The following CACNA2D2 variants were observed in gnomAD, a reference collection of about 807,000 sequenced individuals.
The protein encoded by CACNA2D2 is calcium voltage-gated channel auxiliary subunit alpha2delta 2, also known as voltage-dependent calcium channel subunit alpha-2/delta-2.
CACNA2D2 carries 48 observed loss-of-function variants against 166.4 expected under a neutral mutation model. The ratio of observed to expected loss-of-function variants is 0.29; its 90% CI spans 0.23 to 0.37. The LOEUF is 0.37. Among genes scored for constraint, CACNA2D2 ranks in the 10% least tolerant of loss-of-function variants. CACNA2D2 has a pLI of 1.00. For synonymous variants in CACNA2D2, 561 were observed against 573.7 expected, an observed-to-expected ratio of 0.98 and a Z score of 0.32; for missense variants, 1,122 against 1,433.0, an observed-to-expected ratio of 0.78 and a Z score of 3.50.
chr3:50,434,015 G>A (rs1242094618), intron 3 of CACNA2D2, among the ~76,000 whole-genome samples: 4 of 152,214 alleles, frequency 2.6e-5, no homozygotes, highest in Non-Finnish European at 4.4e-5. Flanking sequence ...CCAGAGGGAT[G>A]GGAAAACCCC....
chr3:50,412,605 T>C (rs1321938912), intron 3 of CACNA2D2, among the ~76,000 whole-genome samples: 1 of 151,842 alleles, frequency 6.6e-6, no homozygotes, highest in Non-Finnish European at 1.5e-5. Flanking sequence ...TTTTCTTTTT[T>C]TTGCAGGGGG....
At chr3:50,483,596 A>G (rs1210589080) in intron 1 of CACNA2D2, among the ~76,000 whole-genome samples, 1 of 152,174 alleles carries the variant, frequency 6.6e-6, no homozygotes, top group Non-Finnish European at 1.5e-5. Flanking sequence ...ATTTACTCAT[A>G]GCAGCCTGCT....
intron 2 of CACNA2D2, among the ~76,000 whole-genome samples, chr3:50,452,689 G>A (rs1171488229): frequency 6.6e-6 from 1 of 152,208 alleles, no homozygotes; most frequent in East Asian, 1.9e-4. Context: ...ATGTGAACAT[G>A]AGAAGCCCCC....
At position 50,379,767 on chromosome 3, in the gene CACNA2D2, C is replaced by T. The variant is rs1260461069; in HGVS notation, c.951G>A (p.Met317Ile). Residue 317 changes from methionine to isoleucine, a missense_variant, in exon 10 of 38, where the codon ATG becomes ATA. This residue lies in a region of CACNA2D2 where 840 missense variants were observed against 1,166.8 expected (regional missense o/e 0.72). Transcript: ENST00000424201. This position sits in a 1 kb window ranked among gnomAD's most constrained non-coding sequence, Gnocchi z 6.5. Reference protein sequence around the residue: ...LKLMKTSVCEMLDTLSDDDYV... With the variant: ...LKLMKTSVCEILDTLSDDDYV... ...AGTCATCATCAGACAGCGTGTCCAG[C>T]ATCTCGCAGACAGATGTCTTCATCA... 2 of 1,613,968 alleles carry T rather than the reference C, an allele frequency of 1.2e-6. No individual in the cohort carries two copies. The highest frequency in any genetic ancestry group is 4.5e-5 in the East Asian group (2 of 44,878).
intron 4 of CACNA2D2, among the ~76,000 whole-genome samples, chr3:50,390,818 C>T (rs1705851166): frequency 6.6e-6 from 1 of 152,160 alleles, no homozygotes. Context: ...GAAATGAGCA[C>T]GGGGTGAGCG....
At chr3:50,400,882 C>T (rs1457270114) in intron 3 of CACNA2D2, among the ~76,000 whole-genome samples, 1 of 152,186 alleles carries the variant, frequency 6.6e-6, no homozygotes, top group African/African-American at 2.4e-5. Flanking sequence ...TCTATGTTGC[C>T]CAGGCTGGTC....
At chr3:50,456,906 A>T (rs1270652698) in intron 2 of CACNA2D2, among the ~76,000 whole-genome samples, 2 of 152,146 alleles carry the variant, frequency 1.3e-5, no homozygotes, top group African/African-American at 4.8e-5. Context: ...TCCCCCAAGG[A>T]CAGTACTGTC....
intron 1 of CACNA2D2, among the ~76,000 whole-genome samples, chr3:50,478,571 T>C (rs1432280846): frequency 6.6e-6 from 1 of 152,232 alleles, no homozygotes; most frequent in Non-Finnish European, 1.5e-5. Context: ...AGTGCCAGCA[T>C]GTCACCTACT....
At chr3:50,487,519 T>C (rs1457773956) in intron 1 of CACNA2D2, among the ~76,000 whole-genome samples, 2 of 152,162 alleles carry the variant, frequency 1.3e-5, no homozygotes, top group African/African-American at 4.8e-5. Context: ...TGTATGTAAA[T>C]GGAATGTGAG....
rs1704984023 is a variant in CACNA2D2 at position 50,376,240 on chromosome 3, C to T, written c.1627-52G>A. 3 of 1,588,998 alleles carry T rather than the reference C, an allele frequency of 1.9e-6. No homozygotes were observed. In the Admixed American group the frequency reaches 5.1e-5, roughly 27 times the overall value. On this transcript the variant is annotated intron_variant, in intron 17 of 37. Coordinates refer to ENST00000424201, the MANE Select transcript of CACNA2D2 (RefSeq NM_006030.4). This position sits in a 1 kb window ranked among gnomAD's most constrained non-coding sequence, Gnocchi z 4.3. ...GTCTGGAGGGATGGGCTGGGGTTCCCTGGGCTCCGGAGTTCTTCCCTATTT... is the reference window on the plus strand; with the variant it reads ...GTCTGGAGGGATGGGCTGGGGTTCCTTGGGCTCCGGAGTTCTTCCCTATTT...
chr3:50,434,794 G>C (rs149003269), intron 2 of CACNA2D2, among the ~76,000 whole-genome samples: 2 of 152,340 alleles, frequency 1.3e-5, no homozygotes, highest in East Asian at 3.9e-4. Context: ...GAGTGGGCTG[G>C]AGAGGAGGCA....
chr3:50,373,112 C>T (rs1261141110), intron 22 of CACNA2D2: 17 of 1,530,938 alleles, frequency 1.1e-5, no homozygotes, highest in South Asian at 9.6e-5. Flanking sequence ...AGAGAGAAAG[C>T]GAGGAAAACA....
At chr3:50,421,103 G>A (rs1451093921) in intron 3 of CACNA2D2, among the ~76,000 whole-genome samples, 3 of 152,208 alleles carry the variant, frequency 2.0e-5, no homozygotes, top group Non-Finnish European at 2.9e-5. Flanking sequence ...TGTGTTGAGG[G>A]GCCCTGTGTG....
At chr3:50,495,856 A>G (rs1234354147) in intron 1 of CACNA2D2, among the ~76,000 whole-genome samples, 2 of 152,206 alleles carry the variant, frequency 1.3e-5, no homozygotes, top group Non-Finnish European at 2.9e-5. Context: ...GTTTGCAAAG[A>G]TGCTTCACTT....
intron 3 of CACNA2D2, among the ~76,000 whole-genome samples, chr3:50,409,832 A>G (rs1027855841): frequency 2.0e-5 from 3 of 152,200 alleles, no homozygotes; most frequent in Admixed American, 6.5e-5. Flanking sequence ...AGTGGGAGAC[A>G]CTGTGTGGCT....
Position 50,376,532 on chromosome 3 carries a change from C to G in CACNA2D2, c.1627-344G>C, listed in dbSNP as rs1705005367. On this transcript the variant is annotated intron_variant, in intron 17 of 37. Transcript: ENST00000424201. This position sits in a 1 kb window ranked among gnomAD's most constrained non-coding sequence, Gnocchi z 4.3. ...CTGCTTCTGTACCCCTGTGGCCCTC[C>G]TCTAGCCACTACTGCCCCTGATTTG... 6.6e-6 allele frequency among the ~76,000 whole-genome samples: 1 copy of G among 152,202 alleles called. No individual in the cohort carries two copies. The highest frequency in any genetic ancestry group is 1.5e-5 in the Non-Finnish European group (1 of 68,022).
At chr3:50,434,095 T>A (rs1226085736) in intron 3 of CACNA2D2, among the ~76,000 whole-genome samples, 4 of 152,042 alleles carry the variant, frequency 2.6e-5, no homozygotes, top group African/African-American at 4.8e-5. Flanking sequence ...GCCCCAAGAC[T>A]CCAAGTCACC....
At chr3:50,500,976 T>C (rs1343501236) in intron 1 of CACNA2D2, among the ~76,000 whole-genome samples, 1 of 152,034 alleles carries the variant, frequency 6.6e-6, no homozygotes, top group African/African-American at 2.4e-5. Context: ...CAGACACTAA[T>C]GAGAAAATGA....
intron 5 of CACNA2D2, among the ~76,000 whole-genome samples, chr3:50,384,871 C>T (rs587772000): frequency 5.3e-5 from 8 of 152,320 alleles, no homozygotes; most frequent in South Asian, 2.1e-4. Context: ...CCCCTGCAGC[C>T]GGATGGCTCT....
Sources: gnomAD v4.1 joint callset for allele counts (sites outside exome capture counted in the v4.1 genomes callset) on GRCh38, gnomAD v4.1.1 for gene constraint, gnomAD v4.1.1 regional missense constraint, Gnocchi (gnomAD v3.1) non-coding constraint, MANE v1.5 for transcripts, NCBI Gene and HGNC (gene_info 2026-07-23, HGNC 2026-07-21) for gene names.